The following NFATC2 variants were observed in gnomAD, a reference collection of about 807,000 sequenced individuals.
NFATC2 encodes the protein nuclear factor of activated T-cells, cytoplasmic 2.
In NFATC2, 22 loss-of-function variants were observed where a neutral mutation model predicts 87.3. The ratio of observed to expected loss-of-function variants is 0.25; its 90% confidence interval spans 0.18 to 0.36. The LOEUF (loss-of-function observed/expected upper bound fraction) is 0.36, where lower values mean the gene tolerates loss of function less well. Ranked by LOEUF, NFATC2 falls within the 10% of genes least tolerant of loss-of-function variation. The pLI is 1.00. For synonymous variants in NFATC2, 565 were observed against 542.2 expected (o/e 1.04, Z -0.58); for missense variants, 1,149 against 1,259.1 (o/e 0.91, Z 1.32).
chr20:51,530,986 A>C (rs2076624188), intron 1 of NFATC2, among the ~76,000 whole-genome samples: 1 of 152,238 alleles, frequency 6.6e-6, no homozygotes, highest in Admixed American at 6.5e-5. Flanking sequence ...ATAATGCAGA[A>C]AAAGCAGCTA....
chr20:51,553,825 G>C (rs888802617), intron 1 of NFATC2, among the ~76,000 whole-genome samples: 1 of 152,034 alleles, frequency 6.6e-6, no homozygotes, highest in African/African-American at 2.4e-5. Flanking sequence ...CAAGGGGCAG[G>C]GTGGGTAGGG....
chr20:51,478,992 A>G (rs904992053), intron 3 of NFATC2, among the ~76,000 whole-genome samples: 8 of 152,252 alleles, frequency 5.3e-5, no homozygotes, highest in African/African-American at 1.9e-4. Context: ...AGGCATTACA[A>G]GAACCAATCG....
In NFATC2 at chr20:51,389,699, C is replaced by T. The variant is rs943301606; in HGVS notation, c.*1797G>A. The T allele has an allele frequency of 3.9e-5, 6 of 152,110 alleles. No homozygotes were observed. The highest frequency in any genetic ancestry group is 1.4e-4 in the African/African-American group (6 of 41,408). 9.4% of individuals were successfully genotyped at this position (152,110 alleles called of 1,614,324 possible). A position where few individuals can be genotyped will look rare whatever the true frequency, so the allele number is the denominator to read the frequency against. ...CAGGTTGCATACAAGTGCACAGGCC[C>T]GAATCTGAGCATTTTGCCTTCTATC... is the stretch of plus-strand genomic sequence containing the variant. On this transcript the variant is annotated 3_prime_UTR_variant, in exon 11 of 11. Coordinates refer to ENST00000371564, the MANE Select transcript of NFATC2 (RefSeq NM_012340.5).
chr20:51,520,794 G>A lies in NFATC2; in HGVS notation c.1160+2287C>T, dbSNP rs1460230023. Among the ~76,000 whole-genome samples, 15 of 152,094 alleles carry A rather than the reference G, an allele frequency of 9.9e-5. 1 individual carries two copies. The highest frequency in any genetic ancestry group is 9.7e-4 in the East Asian group (5 of 5,178). ...TCCTGCCTCAGCCTCCCGAGTAGCT[G>A]GGATTACAGGCATGCAACATCACAC... On this transcript the variant is annotated intron_variant, in intron 2 of 10. Transcript: ENST00000371564.
At chr20:51,458,392 C>A (rs1018375546) in intron 5 of NFATC2, among the ~76,000 whole-genome samples, 2 of 152,064 alleles carry the variant, frequency 1.3e-5, no homozygotes, top group Admixed American at 6.6e-5. Context: ...GGCTGGATAT[C>A]CCCTGGGGAA....
chr20:51,525,351 G>A (rs890781746), intron 1 of NFATC2, among the ~76,000 whole-genome samples: 8 of 152,186 alleles, frequency 5.3e-5, no homozygotes, highest in African/African-American at 1.7e-4. Flanking sequence ...GCAGAATGCT[G>A]TTCAAGTAGA....
intron 6 of NFATC2, among the ~76,000 whole-genome samples, chr20:51,436,494 A>G (rs1983597318): frequency 6.6e-6 from 1 of 150,930 alleles, no homozygotes; most frequent in African/African-American, 2.4e-5. Context: ...GGATCACTTG[A>G]GGCTAGGAGT....
intron 3 of NFATC2, among the ~76,000 whole-genome samples, chr20:51,498,276 G>A (rs1011549255): frequency 3.9e-5 from 6 of 152,142 alleles, no homozygotes; most frequent in African/African-American, 1.2e-4. Flanking sequence ...CAGACACAGC[G>A]GGGCTCACCA....
chr20:51,544,921 G>A (rs1357443549), upstream of NFATC2, among the ~76,000 whole-genome samples: 3 of 152,234 alleles, frequency 2.0e-5, no homozygotes, highest in East Asian at 5.8e-4. Context: ...CCTCCTGGTT[G>A]TCAGAGCATA....
chr20:51,440,929 G>T (rs1984248045), intron 6 of NFATC2, among the ~76,000 whole-genome samples: 2 of 152,206 alleles, frequency 1.3e-5, no homozygotes, highest in African/African-American at 2.4e-5. Context: ...GCTTTCGCCT[G>T]GAGAACCCAA....
At chr20:51,543,720 A>G (rs1021542816), upstream of NFATC2, among the ~76,000 whole-genome samples, 1 of 152,182 alleles carries the variant, frequency 6.6e-6, no homozygotes, top group East Asian at 1.9e-4. Flanking sequence ...TTTTTAATTA[A>G]GCACCCAACG....
At chr20:51,481,562 T>C (rs1361428625) in intron 3 of NFATC2, among the ~76,000 whole-genome samples, 1 of 152,128 alleles carries the variant, frequency 6.6e-6, no homozygotes, top group East Asian at 1.9e-4. Flanking sequence ...AAGCAGTGCT[T>C]CTAGTGCACA....
chr20:51,479,237 G>A (rs1989021514), intron 3 of NFATC2, among the ~76,000 whole-genome samples: 1 of 152,118 alleles, frequency 6.6e-6, no homozygotes, highest in Non-Finnish European at 1.5e-5. Flanking sequence ...TCTCTCTCCT[G>A]CCTGAACGTG....
chr20:51,524,023 C>A lies in NFATC2; in HGVS notation c.218G>T (p.Ser73Ile). ...CTCGCCAGAGAGACTAGCAAGGGGG[C>A]TGTATGGCTTGAGGCCATAGTCCAG... ...DVLDYGLKPYSPLASLSGEPP... is the reference protein window; with the variant it reads ...DVLDYGLKPYIPLASLSGEPP... The change falls in exon 2 of 11, where the codon AGC becomes ATC. Residue 73 changes from serine to isoleucine, a missense_variant. By Grantham distance (142) the Ser-to-Ile change is moderately radical (BLOSUM62 -2). Coordinates refer to ENST00000371564, the MANE Select transcript of NFATC2 (RefSeq NM_012340.5). The surrounding 1 kb of genome is among the most constrained non-coding windows in gnomAD (Gnocchi z 4.0). 2 of 1,553,676 alleles carry A rather than the reference C, an allele frequency of 1.3e-6. No homozygotes were observed. The highest frequency in any genetic ancestry group is 2.4e-5 in the South Asian group (2 of 81,968).
At chr20:51,474,671 G>T (rs1238062511) in intron 4 of NFATC2, among the ~76,000 whole-genome samples, 1 of 152,174 alleles carries the variant, frequency 6.6e-6, no homozygotes, top group Non-Finnish European at 1.5e-5. Flanking sequence ...GAAAGCCGAG[G>T]GGGCAGGATT....
rs545880653 is a variant in NFATC2 at position 51,438,361 on chromosome 20, T to C, written c.1850-2600A>G. 1.9e-4 allele frequency among the ~76,000 whole-genome samples: 28 copies of C among 149,956 alleles called. No individual in the cohort carries two copies. The South Asian group carries it at 5.7e-3, about 30-fold the overall frequency. On this transcript the variant is annotated intron_variant, in intron 6 of 10. Transcript: ENST00000371564. ...ATGTTTGGTTTGTCACCCTCCCCCA[T>C]AGCCTCTCCTTGCCTGAATTGAATT...
At chr20:51,436,739 C>CAAAT (rs933634677) in intron 6 of NFATC2, among the ~76,000 whole-genome samples, 4 of 138,306 alleles carry the variant, frequency 2.9e-5, no homozygotes, top group South Asian at 4.8e-4. Flanking sequence ...AACAAACAAA[C>CAAAT]AAATAAATAA....
chr20:51,407,142 C>T (rs559929926), intron 9 of NFATC2, among the ~76,000 whole-genome samples: 116 of 152,312 alleles, frequency 7.6e-4, no homozygotes, highest in African/African-American at 2.8e-3. Context: ...GTTCTCTCTA[C>T]TTGGACTGCT....
intron 5 of NFATC2, among the ~76,000 whole-genome samples, chr20:51,471,307 A>C (rs1988177672): frequency 6.6e-6 from 1 of 152,184 alleles, no homozygotes; most frequent in Non-Finnish European, 1.5e-5. Context: ...GGGAGACCTT[A>C]TCTGCTCACA....
Sources: allele counts gnomAD v4.1 joint callset (sites outside exome capture counted in the v4.1 genomes callset), GRCh38; gene constraint gnomAD v4.1.1; non-coding constraint Gnocchi (gnomAD v3.1); transcripts MANE v1.5; gene names NCBI Gene and HGNC (gene_info 2026-07-23, HGNC 2026-07-21).